Variants in SFMBT1 observed in about 807,000 individuals in gnomAD.
The protein encoded by SFMBT1 is Scm like with four mbt domains 1.
In SFMBT1, 32 loss-of-function variants were observed where a neutral mutation model predicts 108.7. That is an observed-to-expected ratio of 0.29 (90% CI 0.22 to 0.40). The LOEUF (loss-of-function observed/expected upper bound fraction) is 0.40, where lower values mean the gene tolerates loss of function less well. Among genes scored for constraint, SFMBT1 ranks in the 10% least tolerant of loss-of-function variants. The pLI is 1.00. For missense variants in SFMBT1, 816 were observed against 1,059.6 expected (o/e 0.77, Z 3.19); for synonymous variants, 348 against 369.5 (o/e 0.94, Z 0.67).
intron 13 of SFMBT1, among the ~76,000 whole-genome samples, chr3:52,918,167 CT>C (rs1292129265): frequency 6.6e-6 from 1 of 152,158 alleles, no homozygotes; most frequent in Non-Finnish European, 1.5e-5. Flanking sequence ...AAATCATACC[CT>C]AATTTACAAT....
At chr3:52,909,225 C>T (rs549063310) in intron 17 of SFMBT1, among the ~76,000 whole-genome samples, 17 of 152,140 alleles carry the variant, frequency 1.1e-4, no homozygotes, top group Admixed American at 9.2e-4. Flanking sequence ...TAAATTCAGA[C>T]AAAAGGCACA....
chr3:52,941,332 G>A (rs950824007), intron 4 of SFMBT1, among the ~76,000 whole-genome samples: 19 of 152,198 alleles, frequency 1.2e-4, no homozygotes, highest in African/African-American at 4.1e-4. Context: ...GGTGGCTCAC[G>A]CCTGTAATCC....
chr3:52,946,738 T>A (rs1055718579), intron 3 of SFMBT1, among the ~76,000 whole-genome samples: 1 of 152,036 alleles, frequency 6.6e-6, no homozygotes, highest in African/African-American at 2.4e-5. Context: ...ACCAATTTAG[T>A]TTCCCAATAG....
chr3:52,912,609 G>A lies in SFMBT1; in HGVS notation c.1659C>T (p.Ser553=). Reference sequence around the variant, plus strand: ...CCAGCTGGAGCTCCCGAAGGACACGGCTGGGTTTGTAGGCTGCATTGATAA... The same window carrying A: ...CCAGCTGGAGCTCCCGAAGGACACGACTGGGTTTGTAGGCTGCATTGATAA... ...TLLINAAYKP[S]RVLRELQLDK... The change falls in exon 16 of 21, where the codon AGC becomes AGT. Residue 553 remains serine (S), a synonymous_variant. Coordinates refer to ENST00000394752, the MANE Select transcript of SFMBT1 (RefSeq NM_016329.4). The A allele has an allele frequency of 1.9e-6, 3 of 1,614,072 alleles. No homozygotes were observed. Among genetic ancestry groups the A allele is most frequent in the Non-Finnish European group, 2.5e-6 (3 of 1,179,954 alleles).
chr3:52,915,483 T>C (rs1188354356), intron 14 of SFMBT1, among the ~76,000 whole-genome samples: 1 of 152,244 alleles, frequency 6.6e-6, no homozygotes, highest in Non-Finnish European at 1.5e-5. Context: ...CTGGTCTTTC[T>C]ACTCATAAGC....
intron 1 of SFMBT1, among the ~76,000 whole-genome samples, chr3:52,976,973 G>C (rs190693875): frequency 8.2e-4 from 125 of 152,272 alleles, no homozygotes; most frequent in African/African-American, 2.8e-3. Flanking sequence ...AGCACAAATG[G>C]ATATAGCCCT....
rs778066082 is a variant in SFMBT1, at chr3:52,903,965, CAA to C, written c.*1169_*1170del. On this transcript the variant is annotated 3_prime_UTR_variant, in exon 21 of 21. Transcript: ENST00000394752. ...TGAAAAAAGTCTAAGTGTGGCTAGG[CAA>C]AGAGGTTTCCAGAATCCTTAACCAC... 4 of 152,148 alleles carry C rather than the reference CAA, an allele frequency of 2.6e-5. No individual in the cohort carries two copies. The highest frequency in any genetic ancestry group is 4.4e-5 in the Non-Finnish European group (3 of 68,024). 9.4% of individuals were successfully genotyped at this position (152,148 alleles called of 1,614,324 possible).
intron 3 of SFMBT1, among the ~76,000 whole-genome samples, chr3:52,948,825 A>ATTTTTTTTTTTTATTTTTTTTT (rs1703469357): frequency 1.3e-5 from 1 of 78,284 alleles, no homozygotes; most frequent in Non-Finnish European, 2.4e-5. Flanking sequence ...CTAATTTTTA[A>ATTTTTTTTTTTTATTTTTTTTT]TTTTTTTTTT....
chr3:52,907,242 C>A lies in SFMBT1; in HGVS notation c.2158G>T (p.Glu720Ter), dbSNP rs367653718. ...TCTTCCTGTAGCTCATCCTGCTGCT[C>A]GGATGTACTGCCTTCACTTAGGGAA... ...DDSLSEGSTS[E>*]QQDELQEESE... is the part of the protein sequence containing the mutation. Residue 720 changes from glutamate to a stop codon, truncating the protein, a stop_gained, in exon 19 of 21, where the codon GAG (glutamate) becomes TAG (stop). Transcript: ENST00000394752. LOFTEE classifies it high-confidence loss of function. 3 of 1,614,030 alleles carry A rather than the reference C, an allele frequency of 1.9e-6. No individual in the cohort carries two copies. Among genetic ancestry groups the A allele is most frequent in the Non-Finnish European group, 2.5e-6 (3 of 1,180,012 alleles).
At chr3:53,035,359 C>T (rs1699836074) in intron 1 of SFMBT1, among the ~76,000 whole-genome samples, 1 of 151,980 alleles carries the variant, frequency 6.6e-6, no homozygotes, top group Admixed American at 6.6e-5. Context: ...TTAGAAAGCT[C>T]TACTTGGCCT....
At chr3:52,967,333 A>G (rs1255939962) in intron 2 of SFMBT1, among the ~76,000 whole-genome samples, 2 of 152,190 alleles carry the variant, frequency 1.3e-5, no homozygotes, top group East Asian at 1.9e-4. Flanking sequence ...GATGAAAAAG[A>G]TATACCATGC....
At chr3:52,967,658 A>C (rs536253448) in intron 2 of SFMBT1, among the ~76,000 whole-genome samples, 1 of 152,370 alleles carries the variant, frequency 6.6e-6, no homozygotes, top group South Asian at 2.1e-4. Flanking sequence ...TAATGAGCCA[A>C]AGACATGAAG....
chr3:52,923,753 C>T (rs143772478), intron 10 of SFMBT1, among the ~76,000 whole-genome samples: 4 of 151,976 alleles, frequency 2.6e-5, no homozygotes, highest in African/African-American at 9.6e-5. Flanking sequence ...AGGTTTGATC[C>T]AGAGGGCCAC....
At chr3:52,928,401 T>G (rs2106790446) in intron 8 of SFMBT1, 60 bp from the exon 9 acceptor site, 1 of 1,556,624 alleles carries the variant, frequency 6.4e-7, no homozygotes, top group Non-Finnish European at 8.7e-7. Flanking sequence ...TGCTTTCTCC[T>G]TGGCACAGCC....
chr3:52,946,583 C>T lies in SFMBT1; in HGVS notation c.124-2990G>A, dbSNP rs187121582. ...ATGTCACAATTTATTCATTCCACTTCTACTAGTTACTAGCTATTTGGGCAG... is the reference window on the plus strand; with the variant it reads ...ATGTCACAATTTATTCATTCCACTTTTACTAGTTACTAGCTATTTGGGCAG... On this transcript the variant is annotated intron_variant, in intron 3 of 20. Transcript: ENST00000394752. Among the ~76,000 whole-genome samples, 5 of 152,302 alleles carry T rather than the reference C, an allele frequency of 3.3e-5. No homozygotes were observed. The East Asian group carries it at 7.7e-4, about 23-fold the overall frequency.
At chr3:53,014,624 T>C (rs1383896979) in intron 1 of SFMBT1, among the ~76,000 whole-genome samples, 1 of 152,228 alleles carries the variant, frequency 6.6e-6, no homozygotes, top group African/African-American at 2.4e-5. Context: ...AGACCAACAG[T>C]AGTACATCTA....
At chr3:52,906,289 T>G in intron 19 of SFMBT1, 48 bp from the exon 20 acceptor site, 3 of 1,612,602 alleles carry the variant, frequency 1.9e-6, no homozygotes, top group South Asian at 1.1e-5. Flanking sequence ...ACGGCTATTT[T>G]ATTCTAAAAA....
At chr3:53,009,787 A>G (rs138782514) in intron 1 of SFMBT1, among the ~76,000 whole-genome samples, 2 of 152,358 alleles carry the variant, frequency 1.3e-5, no homozygotes, top group East Asian at 3.8e-4. Context: ...TATACACTGT[A>G]TTCTTACAAT....
chr3:53,021,934 A>G (rs2106943819), intron 1 of SFMBT1, among the ~76,000 whole-genome samples: 1 of 152,366 alleles, frequency 6.6e-6, no homozygotes, highest in African/African-American at 2.4e-5. Flanking sequence ...CTTCAAATTC[A>G]GGAAGGGATT....
Sources: allele counts gnomAD v4.1 joint callset (sites outside exome capture counted in the v4.1 genomes callset), GRCh38; gene constraint gnomAD v4.1.1; transcripts MANE v1.5; gene names NCBI Gene and HGNC (gene_info 2026-07-23, HGNC 2026-07-21).